The following ADGRB3 variants were observed in gnomAD, a reference collection of about 807,000 sequenced individuals.
ADGRB3 encodes adhesion G protein-coupled receptor B3, also known as brain-specific angiogenesis inhibitor 3.
Under a neutral mutation model 193.4 loss-of-function variants are expected in ADGRB3, and 37 were observed. The ratio of observed to expected loss-of-function variants is 0.19; its 90% confidence interval spans 0.15 to 0.25. The LOEUF is 0.25. Ranked by LOEUF, ADGRB3 falls within the 10% of genes least tolerant of loss-of-function variation. The pLI is 1.00. For missense variants in ADGRB3, 1,637 were observed against 1,852.9 expected (o/e 0.88, Z 2.14); for synonymous variants, 690 against 644.2 (o/e 1.07, Z -1.08).
At chr6:69,358,122 A>G (rs1363548133) in intron 28 of ADGRB3, among the ~76,000 whole-genome samples, 1 of 151,984 alleles carries the variant, frequency 6.6e-6, no homozygotes, top group South Asian at 2.1e-4. Flanking sequence ...GAGAAGCAAT[A>G]TAAGAGCAGA....
intron 11 of ADGRB3, among the ~76,000 whole-genome samples, chr6:69,010,571 G>T (rs76709853): frequency 0.027 from 4,176 of 152,054 alleles, 81 homozygotes; most frequent in Non-Finnish European, 0.039. Context: ...CGATAGCTCT[G>T]CTAGGTAGCT....
intron 17 of ADGRB3, among the ~76,000 whole-genome samples, chr6:69,198,215 G>A (rs1057380611): frequency 2.6e-5 from 4 of 151,864 alleles, no homozygotes; most frequent in Admixed American, 6.6e-5. Context: ...GACTTTGTTG[G>A]TCTTACTCAT....
intron 13 of ADGRB3, among the ~76,000 whole-genome samples, chr6:69,036,586 A>C (rs1407257207): frequency 6.6e-6 from 1 of 152,170 alleles, no homozygotes; most frequent in Non-Finnish European, 1.5e-5. Context: ...TATGTAAAAA[A>C]AAAATTACAT....
Position 69,037,904 on chromosome 6 carries a change from T to C in ADGRB3, c.2108-10281T>C, listed in dbSNP as rs118064317. Among the ~76,000 whole-genome samples the C allele has an allele frequency of 3.9e-4, 59 of 152,342 alleles. 1 individual carries two copies. In the East Asian group the frequency reaches 0.01, roughly 26 times the overall value. ...GCCAAATCCATCATTGTCTTTCATT[T>C]ATCATTACTGACCTTCTATCTCATT... On this transcript the variant is annotated intron_variant, in intron 13 of 31. Coordinates refer to ENST00000370598, the MANE Select transcript of ADGRB3 (RefSeq NM_001704.3).
At chr6:69,130,435 C>G (rs17509972) in intron 17 of ADGRB3, among the ~76,000 whole-genome samples, 18,694 of 151,058 alleles carry the variant, frequency 0.12, 1,229 homozygotes, top group Middle Eastern at 0.29. Context: ...TCATATTTGT[C>G]AGCCCCCATG....
At chr6:69,263,971 T>A (rs780836754) in intron 20 of ADGRB3, among the ~76,000 whole-genome samples, 111 of 152,042 alleles carry the variant, frequency 7.3e-4, no homozygotes, top group Admixed American at 2.3e-3. Context: ...CTCCTTCTAC[T>A]CAGTACATAT....
At chr6:69,060,308 G>T (rs1337350635) in intron 15 of ADGRB3, among the ~76,000 whole-genome samples, 1 of 145,796 alleles carries the variant, frequency 6.9e-6, no homozygotes, top group Non-Finnish European at 1.5e-5. Context: ...TGTCCTCTAG[G>T]GAACTTCTCC....
intron 6 of ADGRB3, among the ~76,000 whole-genome samples, chr6:68,953,784 TG>T (rs1562098598): frequency 6.6e-6 from 1 of 152,216 alleles, no homozygotes; most frequent in African/African-American, 2.4e-5. Flanking sequence ...AATACCTACA[TG>T]TAAGGCTTGA....
intron 3 of ADGRB3, among the ~76,000 whole-genome samples, chr6:68,704,122 T>C (rs1765287621): frequency 1.3e-5 from 2 of 152,206 alleles, no homozygotes; most frequent in African/African-American, 4.8e-5. Context: ...TAAACATAAA[T>C]TATTATGAAA....
chr6:68,987,944 A>T (rs1265839437), intron 10 of ADGRB3, among the ~76,000 whole-genome samples: 1 of 152,188 alleles, frequency 6.6e-6, no homozygotes, highest in Non-Finnish European at 1.5e-5. Context: ...ATAGTTTACA[A>T]AGCAATTCTG....
chr6:68,781,457 A>G (rs1039069263), intron 3 of ADGRB3, among the ~76,000 whole-genome samples: 2 of 152,112 alleles, frequency 1.3e-5, no homozygotes, highest in African/African-American at 4.8e-5. Flanking sequence ...TATCTGCAGG[A>G]TGCTCCTTGA....
At chr6:69,182,950 T>A (rs992670120) in intron 17 of ADGRB3, among the ~76,000 whole-genome samples, 3 of 152,100 alleles carry the variant, frequency 2.0e-5, no homozygotes, top group Non-Finnish European at 4.4e-5. Context: ...AGCATGTCAA[T>A]CTTGTTTTTT....
chr6:69,292,459 C>T (rs909419849), intron 20 of ADGRB3, among the ~76,000 whole-genome samples: 1 of 152,128 alleles, frequency 6.6e-6, no homozygotes, highest in Non-Finnish European at 1.5e-5. Flanking sequence ...TAAAGTAGCA[C>T]TCAGCAGAAT....
intron 20 of ADGRB3, among the ~76,000 whole-genome samples, chr6:69,283,899 C>G (rs1454698613): frequency 6.6e-6 from 1 of 152,120 alleles, no homozygotes; most frequent in East Asian, 1.9e-4. Context: ...GAGCTTTGTA[C>G]TTGTACATAT....
intron 17 of ADGRB3, among the ~76,000 whole-genome samples, chr6:69,143,947 A>G (rs113466285): frequency 1.3e-5 from 2 of 152,178 alleles, no homozygotes; most frequent in Non-Finnish European, 2.9e-5. Context: ...AATGGATTGC[A>G]CTGAATTTGT....
intron 3 of ADGRB3, among the ~76,000 whole-genome samples, chr6:68,746,466 A>C (rs1298648923): frequency 6.6e-6 from 1 of 152,108 alleles, no homozygotes; most frequent in Non-Finnish European, 1.5e-5. Context: ...TAATCAAATA[A>C]ACTGGAATTT....
intron 3 of ADGRB3, among the ~76,000 whole-genome samples, chr6:68,721,347 A>G (rs1364349757): frequency 6.6e-6 from 1 of 151,734 alleles, no homozygotes; most frequent in Non-Finnish European, 1.5e-5. Context: ...GAAGCTGGAA[A>G]CCATTATTCT....
chr6:69,043,572 G>A (rs1771150884), intron 13 of ADGRB3, among the ~76,000 whole-genome samples: 1 of 152,180 alleles, frequency 6.6e-6, no homozygotes, highest in African/African-American at 2.4e-5. Flanking sequence ...CTGTGGGGTA[G>A]TTCTCTTGGA....
chr6:69,060,604 C>T (rs529946009), intron 15 of ADGRB3, among the ~76,000 whole-genome samples: 1 of 151,994 alleles, frequency 6.6e-6, no homozygotes, highest in Admixed American at 6.6e-5. Context: ...AATTGGTAAT[C>T]ATTGGGTTTT....
Sources: allele counts gnomAD v4.1 joint callset (sites outside exome capture counted in the v4.1 genomes callset), GRCh38; gene constraint gnomAD v4.1.1; transcripts MANE v1.5; gene names NCBI Gene and HGNC (gene_info 2026-07-23, HGNC 2026-07-21).